The following TMC2 variants were observed in gnomAD, a reference collection of about 807,000 sequenced individuals.
TMC2 encodes transmembrane channel-like protein 2.
A neutral mutation model predicts 105.9 loss-of-function variants in TMC2; 102 were observed. That is an observed-to-expected ratio of 0.96 (90% CI 0.82 to 1.14). The LOEUF is 1.14. Ranked by LOEUF, TMC2 falls within the 50% of genes most tolerant of loss-of-function variation. TMC2 has a pLI of 0.00. For missense variants in TMC2, 1,093 were observed against 1,134.3 expected (o/e 0.96, Z 0.52); for synonymous variants, 402 against 422.8 (o/e 0.95, Z 0.60).
intron 7 of TMC2, among the ~76,000 whole-genome samples, chr20:2,586,152 C>A (rs2086230015): frequency 1.3e-5 from 2 of 152,180 alleles, no homozygotes; most frequent in South Asian, 4.1e-4. Context: ...ATTCCAAACT[C>A]TCACTCTAAA....
intron 2 of TMC2, among the ~76,000 whole-genome samples, chr20:2,547,342 A>T (rs1052373181): frequency 6.6e-5 from 10 of 152,230 alleles, no homozygotes; most frequent in African/African-American, 2.4e-4. Flanking sequence ...CAGGCAGAGC[A>T]CCACCAGGAC....
intron 2 of TMC2, among the ~76,000 whole-genome samples, chr20:2,541,950 T>G (rs2085892659): frequency 6.6e-6 from 1 of 152,196 alleles, no homozygotes; most frequent in Non-Finnish European, 1.5e-5. Flanking sequence ...GTTCATAAGT[T>G]TTGCTTAACG....
chr20:2,558,492 C>T lies in TMC2; in HGVS notation c.119C>T (p.Ala40Val), dbSNP rs1441556653. The T allele has an allele frequency of 1.9e-6, 3 of 1,558,836 alleles. No homozygotes were observed. Among genetic ancestry groups the T allele is most frequent in the Admixed American group, 1.9e-5 (1 of 51,928 alleles). Reference protein sequence around the residue: ...RLGRRSSSKRALKAEGTPGRR... With the variant: ...RLGRRSSSKRVLKAEGTPGRR... Reference sequence around the variant, plus strand: ...GGAAGGAGATCCTCAAGCAAGCGGGCTCTCAAAGCCGAGGGGACCCCAGGC... The same window carrying T: ...GGAAGGAGATCCTCAAGCAAGCGGGTTCTCAAAGCCGAGGGGACCCCAGGC... The change falls in exon 3 of 20, where the codon GCT becomes GTT. Residue 40 changes from alanine to valine, a missense_variant. Coordinates refer to ENST00000358864, the MANE Select transcript of TMC2 (RefSeq NM_080751.3). The surrounding 1 kb of genome is among the most constrained non-coding windows in gnomAD (Gnocchi z 4.6).
At chr20:2,639,868 C>T (rs2086675598) in intron 19 of TMC2, among the ~76,000 whole-genome samples, 1 of 152,080 alleles carries the variant, frequency 6.6e-6, no homozygotes, top group African/African-American at 2.4e-5. Flanking sequence ...TGAGATGATC[C>T]CATTTTCCAG....
chr20:2,549,573 T>G (rs2085945098), intron 2 of TMC2, among the ~76,000 whole-genome samples: 1 of 151,976 alleles, frequency 6.6e-6, no homozygotes, highest in Non-Finnish European at 1.5e-5. Context: ...TGAAACCCTG[T>G]CTCTACTGAA....
At position 2,559,597 on chromosome 20, in the gene TMC2, T is replaced by C. The variant is rs558318631; in HGVS notation, c.401+823T>C. ...GGAATATTAGGATTATGGTGAAGAGTTGATGTTCTTTCCCGGTGGTTTGTA... is the reference window on the plus strand; with the variant it reads ...GGAATATTAGGATTATGGTGAAGAGCTGATGTTCTTTCCCGGTGGTTTGTA... On this transcript the variant is annotated intron_variant, in intron 3 of 19. Transcript: ENST00000358864. Among the ~76,000 whole-genome samples the C allele has an allele frequency of 5.3e-5, 8 of 152,230 alleles. No homozygotes were observed. In the South Asian group the frequency reaches 6.2e-4, roughly 12 times the overall value.
chr20:2,584,083 T>C (rs2086214165), intron 7 of TMC2, among the ~76,000 whole-genome samples: 1 of 152,174 alleles, frequency 6.6e-6, no homozygotes, highest in South Asian at 2.1e-4. Context: ...ATAGCAAGCA[T>C]TCAGTCTGTA....
intron 4 of TMC2, among the ~76,000 whole-genome samples, chr20:2,567,901 A>C (rs930396230): frequency 1.3e-5 from 2 of 152,214 alleles, no homozygotes; most frequent in African/African-American, 4.8e-5. Context: ...CAGAGTAAAA[A>C]CTCAGTGAAC....
rs528102735 is a variant in TMC2, at chr20:2,610,219, A to G, written c.1414-200A>G. 1.8e-4 allele frequency among the ~76,000 whole-genome samples: 28 copies of G among 152,310 alleles called. 1 individual carries two copies. The highest frequency in any genetic ancestry group is 6.7e-4 in the African/African-American group (28 of 41,556). On this transcript the variant is annotated intron_variant, in intron 11 of 19. Coordinates refer to ENST00000358864, the MANE Select transcript of TMC2 (RefSeq NM_080751.3). Reference sequence around the variant, plus strand: ...CATCTGGTCACACAGCAATTATGATATGCAAGCACAGGCCAAGTGCTCAGG... The same window carrying G: ...CATCTGGTCACACAGCAATTATGATGTGCAAGCACAGGCCAAGTGCTCAGG...
chr20:2,609,699 G>A (rs2086420764), intron 11 of TMC2, among the ~76,000 whole-genome samples: 1 of 152,156 alleles, frequency 6.6e-6, no homozygotes, highest in African/African-American at 2.4e-5. Flanking sequence ...CTCTCCAGGT[G>A]AGAACTACAT....
intron 16 of TMC2, among the ~76,000 whole-genome samples, chr20:2,619,126 A>G (rs750479862): frequency 2.6e-5 from 4 of 152,140 alleles, no homozygotes; most frequent in Non-Finnish European, 5.9e-5. Context: ...TAAATGCCCA[A>G]AGAGCCTAGA....
chr20:2,579,877 A>C (rs1429231184), intron 6 of TMC2, 73 bp from the exon 7 acceptor site: 1 of 850,494 alleles, frequency 1.2e-6, no homozygotes, highest in East Asian at 2.6e-5. Flanking sequence ...AATCCACCAC[A>C]CACATAAAGT....
chr20:2,602,074 GGCC>G, intron 10 of TMC2, 36 bp from the exon 11 acceptor site: 1 of 1,493,472 alleles, frequency 6.7e-7, no homozygotes. Flanking sequence ...TGGCATTTCT[GGCC>G]TGACATTTAT....
At chr20:2,639,190 C>A (rs557231269) in intron 19 of TMC2, among the ~76,000 whole-genome samples, 1 of 152,148 alleles carries the variant, frequency 6.6e-6, no homozygotes, top group South Asian at 2.1e-4. Context: ...CCACCGCGTC[C>A]GGCCTAGAAA....
At chr20:2,570,066 C>T (rs2086092479) in intron 4 of TMC2, among the ~76,000 whole-genome samples, 1 of 152,094 alleles carries the variant, frequency 6.6e-6, no homozygotes, top group Admixed American at 6.5e-5. Flanking sequence ...CCCTTAAGAA[C>T]TGGAACAAGA....
At chr20:2,557,814 C>T (rs1180374487) in intron 2 of TMC2, among the ~76,000 whole-genome samples, 2 of 152,150 alleles carry the variant, frequency 1.3e-5, no homozygotes, top group African/African-American at 4.8e-5. Context: ...TGAAAGTGCG[C>T]CCCCACCAAG....
Position 2,617,093 on chromosome 20 carries a change from AGGCCT to A in TMC2, c.1965_1969del (p.Leu656GlyfsTer3), listed in dbSNP as rs1568526494. 1 of 1,614,180 alleles carries A rather than the reference AGGCCT, an allele frequency of 6.2e-7. No homozygotes were observed. Among genetic ancestry groups the A allele is most frequent in the East Asian group, 2.2e-5 (1 of 44,880 alleles). ...CCAGGATGGGCTCCTTCTATGCTCC[AGGCCT>A]GGTGGGCATTAATGTGCTGCGCCTG... On this transcript the variant is annotated frameshift_variant, in exon 16 of 20. Transcript: ENST00000358864. LOFTEE classifies it high-confidence loss of function.
At chr20:2,545,906 A>AAGAAAGAAAG (rs139456092) in intron 2 of TMC2, among the ~76,000 whole-genome samples, 1 of 143,532 alleles carries the variant, frequency 7.0e-6, no homozygotes, top group African/African-American at 2.7e-5. Flanking sequence ...GAAAGAAAGA[A>AAGAAAGAAAG]AAAAAGAAAG....
At chr20:2,607,520 C>A (rs868530113) in intron 11 of TMC2, among the ~76,000 whole-genome samples, 1 of 152,154 alleles carries the variant, frequency 6.6e-6, no homozygotes, top group African/African-American at 2.4e-5. Context: ...ATTATTGGAC[C>A]GAGCAGAGTT....
Sources: gnomAD v4.1 joint callset for allele counts (sites outside exome capture counted in the v4.1 genomes callset) on GRCh38, gnomAD v4.1.1 for gene constraint, Gnocchi (gnomAD v3.1) non-coding constraint, MANE v1.5 for transcripts, NCBI Gene and HGNC (gene_info 2026-07-23, HGNC 2026-07-21) for gene names.